The following AFF2 variants were observed in gnomAD, a reference collection of about 807,000 sequenced individuals.
AFF2 encodes the protein AF4/FMR2 family member 2.
Under a neutral mutation model 76.9 loss-of-function variants are expected in AFF2, and 14 were observed. The observed-to-expected ratio is 0.18, with a 90% CI of 0.12 to 0.28. The LOEUF (loss-of-function observed/expected upper bound fraction) is 0.28, where lower values mean the gene tolerates loss of function less well. AFF2 is among the 10% of genes least tolerant of loss of function. The pLI, the probability that AFF2 is intolerant of heterozygous loss-of-function variation, is 1.00. For missense variants in AFF2, 868 were observed against 1,001.1 expected, an observed-to-expected ratio of 0.87 and a Z score of 1.79; for synonymous variants, 398 against 366.7, an observed-to-expected ratio of 1.09 and a Z score of -0.98.
chrX:148,581,280 GTATAT>G (rs2053383187), intron 1 of AFF2, among the ~76,000 whole-genome samples: 1 of 229 alleles, frequency 4.4e-3, no homozygotes. Context: ...ACATATACAC[GTATAT>G]ACGTATACGT....
chrX:148,576,793 ATGTGTGTGTGTGTG>A (rs60411417), intron 1 of AFF2, among the ~76,000 whole-genome samples: 4 of 103,447 alleles, frequency 3.9e-5, no homozygotes, highest in Non-Finnish European at 7.9e-5. Flanking sequence ...GTGTGTGTGT[ATGTGTGTGTGTGTG>A]TGTGTGTGTG....
At chrX:148,683,685 G>A (rs961957448) in intron 3 of AFF2, among the ~76,000 whole-genome samples, 1 of 111,512 alleles carries the variant, frequency 9.0e-6, no homozygotes, top group Non-Finnish European at 1.9e-5. Context: ...TGCAGTTTTT[G>A]TTTGTAGGCT....
intron 7 of AFF2, among the ~76,000 whole-genome samples, chrX:148,862,265 A>T (rs2070856357): frequency 9.0e-6 from 1 of 110,918 alleles, no homozygotes; most frequent in Admixed American, 9.6e-5. Context: ...TCAACTCTCA[A>T]ATCTAAGCAT....
chrX:148,952,198 A>C (rs1219092279), intron 9 of AFF2, among the ~76,000 whole-genome samples: 2 of 111,446 alleles, frequency 1.8e-5, no homozygotes, highest in Non-Finnish European at 3.8e-5. Flanking sequence ...GGGTGGGGTC[A>C]TGAACTCGTT....
At chrX:148,617,124 T>C (rs1342846277) in intron 1 of AFF2, among the ~76,000 whole-genome samples, 1 of 111,729 alleles carries the variant, frequency 9.0e-6, no homozygotes. Context: ...GTATTTCTAG[T>C]TCTAGATCCT....
At chrX:148,656,964 G>C (rs1244574283) in intron 2 of AFF2, among the ~76,000 whole-genome samples, 5 of 111,945 alleles carry the variant, frequency 4.5e-5, no homozygotes, top group Admixed American at 9.4e-5. Flanking sequence ...TTACCTGCTG[G>C]GTGATGGTGG....
intron 1 of AFF2, among the ~76,000 whole-genome samples, chrX:148,610,479 A>G (rs2053718220): frequency 8.9e-6 from 1 of 112,268 alleles, no homozygotes; most frequent in South Asian, 3.6e-4. Flanking sequence ...ATTCTTGCAA[A>G]TAACATTTAG....
chrX:148,791,454 CAT>C (rs1267556249), intron 3 of AFF2, among the ~76,000 whole-genome samples: 2 of 112,329 alleles, frequency 1.8e-5, no homozygotes, highest in Admixed American at 1.9e-4. Context: ...CCTCCCATGA[CAT>C]GTGGGAATTA....
intron 3 of AFF2, among the ~76,000 whole-genome samples, chrX:148,702,459 T>C (rs1603280911): frequency 9.0e-6 from 1 of 111,664 alleles, no homozygotes; most frequent in African/African-American, 3.3e-5. Flanking sequence ...TTTTGGTAAA[T>C]GCCACCATAC....
intron 1 of AFF2, among the ~76,000 whole-genome samples, chrX:148,568,463 T>C (rs1243406019): frequency 8.9e-6 from 1 of 112,177 alleles, no homozygotes; most frequent in Non-Finnish European, 1.9e-5. Flanking sequence ...GCAAATACTT[T>C]TCTAAAGCCT....
chrX:148,732,713 A>C (rs1361410396), intron 3 of AFF2, among the ~76,000 whole-genome samples: 1 of 108,880 alleles, frequency 9.2e-6, no homozygotes, highest in African/African-American at 3.4e-5. Flanking sequence ...TACCTGCTTC[A>C]CCAGCCTCTC....
intron 8 of AFF2, among the ~76,000 whole-genome samples, chrX:148,903,472 T>G (rs2124204096): frequency 8.9e-6 from 1 of 112,103 alleles, no homozygotes; most frequent in Admixed American, 9.4e-5. Context: ...TTGTTTCTTC[T>G]AATATACTGT....
At chrX:148,969,619 A>G (rs1157673584) in intron 15 of AFF2, among the ~76,000 whole-genome samples, 2 of 112,203 alleles carry the variant, frequency 1.8e-5, no homozygotes, top group East Asian at 5.6e-4. Context: ...GGGAATGATG[A>G]CAAGAAAAAG....
chrX:148,917,275 C>G (rs1471236957), intron 9 of AFF2, among the ~76,000 whole-genome samples: 6 of 111,957 alleles, frequency 5.4e-5, no homozygotes, highest in Non-Finnish European at 1.1e-4. Flanking sequence ...AGAGGAGGCA[C>G]AGGAGTGAAG....
intron 1 of AFF2, among the ~76,000 whole-genome samples, chrX:148,562,456 C>T (rs1331049653): frequency 8.9e-6 from 1 of 111,802 alleles, no homozygotes; most frequent in Non-Finnish European, 1.9e-5. Flanking sequence ...CTGCAAGCAA[C>T]TCTCCAAAAG....
At chrX:148,649,410 T>C (rs1236603868) in intron 1 of AFF2, among the ~76,000 whole-genome samples, 4 of 112,299 alleles carry the variant, frequency 3.6e-5, no homozygotes, top group Non-Finnish European at 5.6e-5. Flanking sequence ...TACAACGCCA[T>C]GCTGAGCAAG....
At chrX:148,524,239 A>G (rs1165282626) in intron 1 of AFF2, among the ~76,000 whole-genome samples, 1 of 109,587 alleles carries the variant, frequency 9.1e-6, no homozygotes, top group Admixed American at 9.8e-5. Context: ...ATATGCCCCT[A>G]TAGAGAAAAG....
chrX:148,940,341 T>C (rs2071819425), intron 9 of AFF2, among the ~76,000 whole-genome samples: 1 of 112,280 alleles, frequency 8.9e-6, no homozygotes, highest in Admixed American at 9.4e-5. Context: ...GCTGTTGACA[T>C]ACTAAAAGGG....
At chrX:148,974,960 G>C (rs2072303569) in intron 16 of AFF2, among the ~76,000 whole-genome samples, 1 of 112,200 alleles carries the variant, frequency 8.9e-6, no homozygotes, top group South Asian at 3.7e-4. Context: ...GGAAACATTA[G>C]TGAACAAACA....
Sources: allele counts gnomAD v4.1 joint callset (sites outside exome capture counted in the v4.1 genomes callset), GRCh38; gene constraint gnomAD v4.1.1; transcripts MANE v1.5; gene names NCBI Gene and HGNC (gene_info 2026-07-23, HGNC 2026-07-21).